The following AGMO variants were observed in gnomAD, a reference collection of about 807,000 sequenced individuals.
AGMO encodes alkylglycerol monooxygenase.
Under a neutral mutation model 60.2 loss-of-function variants are expected in AGMO, and 75 were observed. That is an observed-to-expected ratio of 1.25 (90% CI 1.03 to 1.51). The LOEUF (loss-of-function observed/expected upper bound fraction) is 1.51. AGMO is among the 40% of genes most tolerant of loss of function. The pLI, the probability that AGMO is intolerant of heterozygous loss-of-function variation, is 0.00. For synonymous variants in AGMO, 261 were observed against 177.1 expected (o/e 1.47, Z -3.76); for missense variants, 763 against 525.5 (o/e 1.45, Z -4.42).
intron 3 of AGMO, among the ~76,000 whole-genome samples, chr7:15,520,852 A>G (rs1041381235): frequency 3.3e-5 from 5 of 152,182 alleles, no homozygotes; most frequent in African/African-American, 4.8e-5. Context: ...CTAAGATAAG[A>G]GCAGAACTGA....
intron 10 of AGMO, among the ~76,000 whole-genome samples, chr7:15,372,757 A>G (rs928648969): frequency 1.3e-5 from 2 of 152,164 alleles, no homozygotes; most frequent in African/African-American, 4.8e-5. Flanking sequence ...TTATTTTTTC[A>G]TTTAATTTAC....
intron 3 of AGMO, among the ~76,000 whole-genome samples, chr7:15,437,063 TAATA>T (rs891527097): frequency 4.6e-5 from 7 of 152,268 alleles, no homozygotes; most frequent in African/African-American, 9.6e-5. Flanking sequence ...TAAATAAATA[TAATA>T]AATAAATTGA....
At chr7:15,195,109 A>G in the AGMO span, among the ~76,000 whole-genome samples, 3 of 152,164 alleles carry the variant, frequency 2.0e-5, no homozygotes, top group African/African-American at 7.2e-5. Context: ...ACCTCACACT[A>G]CTACAAGAGA....
At chr7:15,351,962 A>G (rs759159782) in intron 12 of AGMO, among the ~76,000 whole-genome samples, 22 of 152,226 alleles carry the variant, frequency 1.4e-4, no homozygotes, top group Non-Finnish European at 2.9e-4. Flanking sequence ...TAAAGCCCAG[A>G]TAGCATTTAC....
chr7:15,347,461 C>A (rs1461220306), intron 12 of AGMO, among the ~76,000 whole-genome samples: 1 of 152,046 alleles, frequency 6.6e-6, no homozygotes, highest in Non-Finnish European at 1.5e-5. Flanking sequence ...AGTTATTTAC[C>A]TCTATGTCTG....
the AGMO span, among the ~76,000 whole-genome samples, chr7:15,148,494 C>T: frequency 6.6e-6 from 1 of 151,990 alleles, no homozygotes; most frequent in African/African-American, 2.4e-5. Flanking sequence ...ATGGACCACC[C>T]TCAAGTGGGC....
intron 12 of AGMO, among the ~76,000 whole-genome samples, chr7:15,279,089 T>C (rs1005454431): frequency 8.5e-5 from 13 of 152,170 alleles, no homozygotes; most frequent in Non-Finnish European, 1.6e-4. Flanking sequence ...CCACATGACC[T>C]TGAGCAATGC....
chr7:15,358,171 G>A (rs138032422), intron 12 of AGMO: 25 of 184,594 alleles, frequency 1.4e-4, no homozygotes, highest in African/African-American at 3.8e-4. Flanking sequence ...AAATTACAAC[G>A]TGTTCTTCTG....
rs989392918 is a variant in AGMO, at chr7:15,530,375, C to T, written c.409+14397G>A. ...TATTTCTATATATATATTCTATATA[C>T]GTATTTCTATATATATTCTATATAC... On this transcript the variant is annotated intron_variant, in intron 3 of 12. Transcript: ENST00000342526. Among the ~76,000 whole-genome samples, 4 of 114,924 alleles carry T rather than the reference C, an allele frequency of 3.5e-5. No individual in the cohort carries two copies. In the South Asian group the frequency reaches 1.1e-3, roughly 32 times the overall value. The allele number at this position is 114,924 out of a possible 152,430, so 75.4% of individuals were successfully genotyped here. A position where few individuals can be genotyped will look rare whatever the true frequency, so the allele number is the denominator to read the frequency against.
At chr7:15,555,938 A>T (rs1330540700) in intron 2 of AGMO, among the ~76,000 whole-genome samples, 1 of 152,012 alleles carries the variant, frequency 6.6e-6, no homozygotes, top group Non-Finnish European at 1.5e-5. Context: ...ATTTTAAATA[A>T]TTATTTCTAA....
chr7:15,151,266 AAGAACAAACTTTTCGTTTC>A, the AGMO span, among the ~76,000 whole-genome samples: 5 of 152,132 alleles, frequency 3.3e-5, no homozygotes, highest in Non-Finnish European at 7.4e-5. Context: ...TATTCATTCA[AAGAACAAACTTTTCGTTTC>A]AGTGATCTTT....
chr7:15,383,065 T>TC (rs1783758771), intron 10 of AGMO, among the ~76,000 whole-genome samples: 1 of 152,102 alleles, frequency 6.6e-6, no homozygotes, highest in African/African-American at 2.4e-5. Flanking sequence ...GACCCTGCCC[T>TC]CCCATTCGTA....
chr7:15,329,373 C>G (rs1583414728), intron 12 of AGMO, among the ~76,000 whole-genome samples: 1 of 152,076 alleles, frequency 6.6e-6, no homozygotes, highest in Non-Finnish European at 1.5e-5. Flanking sequence ...ATGAGGAGCA[C>G]CAATTTAAGT....
At chr7:15,267,930 T>C (rs1187089302) in intron 12 of AGMO, among the ~76,000 whole-genome samples, 1 of 151,990 alleles carries the variant, frequency 6.6e-6, no homozygotes, top group African/African-American at 2.4e-5. Flanking sequence ...TACTAAAATA[T>C]AATGAATCTA....
In AGMO at chr7:15,228,794, T is replaced by C. The variant is rs2128498883; in HGVS notation, c.1264-27435A>G. ...TAGATTCAGCCAGGTGCATTATCTG[T>C]AGGCATTCTCATCCAGGAGAAAAAT... On this transcript the variant is annotated intron_variant, in intron 12 of 12. Coordinates refer to ENST00000342526, the MANE Select transcript of AGMO (RefSeq NM_001004320.2). 1.3e-5 allele frequency among the ~76,000 whole-genome samples: 2 copies of C among 152,280 alleles called. 1 individual carries two copies. Among genetic ancestry groups the C allele is most frequent in the South Asian group, 4.1e-4 (2 of 4,824 alleles).
chr7:15,554,654 A>G (rs1462271937), intron 2 of AGMO, among the ~76,000 whole-genome samples: 1 of 152,090 alleles, frequency 6.6e-6, no homozygotes, highest in African/African-American at 2.4e-5. Context: ...AAATTTGTCA[A>G]TGTTCAGTTA....
At chr7:15,231,920 A>T (rs1782272744) in intron 12 of AGMO, among the ~76,000 whole-genome samples, 2 of 152,250 alleles carry the variant, frequency 1.3e-5, no homozygotes, top group Admixed American at 1.3e-4. Flanking sequence ...TTATATATTT[A>T]TCACAGATTG....
In AGMO at chr7:15,325,915, A is replaced by G. The variant is rs139698489; in HGVS notation, c.1263+39599T>C. On this transcript the variant is annotated intron_variant, in intron 12 of 12. Transcript: ENST00000342526. ...CCCTTTAATGACAAAAAGAAGAGGAAGAAGACGGAGGAGGAGGAGGAGAGG... is the reference window on the plus strand; with the variant it reads ...CCCTTTAATGACAAAAAGAAGAGGAGGAAGACGGAGGAGGAGGAGGAGAGG... 1.3e-3 allele frequency among the ~76,000 whole-genome samples: 201 copies of G among 152,198 alleles called. 1 individual carries two copies. The highest frequency in any genetic ancestry group is 4.8e-3 in the African/African-American group (198 of 41,532).
chr7:15,378,784 A>G (rs1783560045), intron 10 of AGMO, among the ~76,000 whole-genome samples: 1 of 151,452 alleles, frequency 6.6e-6, no homozygotes, highest in Admixed American at 6.6e-5. Context: ...AAAAGCATAC[A>G]AAGACATTAA....
Sources: allele counts gnomAD v4.1 joint callset (sites outside exome capture counted in the v4.1 genomes callset), GRCh38; gene constraint gnomAD v4.1.1; transcripts MANE v1.5; gene names NCBI Gene and HGNC (gene_info 2026-07-23, HGNC 2026-07-21).